LDLRAD4: variants seen among roughly 807,000 people sequenced by gnomAD.
LDLRAD4 encodes the protein low-density lipoprotein receptor class A domain-containing protein 4.
Under a neutral mutation model 17.0 loss-of-function variants are expected in LDLRAD4, and 5 were observed. That is an observed-to-expected ratio of 0.29 (90% confidence interval 0.15 to 0.62). The LOEUF (loss-of-function observed/expected upper bound fraction) is 0.62, where lower values mean the gene tolerates loss of function less well. LDLRAD4 is among the 20% of genes least tolerant of loss of function. The pLI is 0.84. For missense variants in LDLRAD4, 340 were observed against 424.7 expected (o/e 0.80, Z 1.75); for synonymous variants, 168 against 171.8 (o/e 0.98, Z 0.17).
intron 3 of LDLRAD4, among the ~76,000 whole-genome samples, chr18:13,541,300 A>G (rs2094279657): frequency 6.6e-6 from 1 of 152,262 alleles, no homozygotes; most frequent in Non-Finnish European, 1.5e-5. Context: ...GTTGCTTATT[A>G]TAATACTGAA....
intron 3 of LDLRAD4, among the ~76,000 whole-genome samples, chr18:13,483,279 C>T (rs777333068): frequency 5.9e-5 from 9 of 152,202 alleles, no homozygotes; most frequent in Non-Finnish European, 1.2e-4. Flanking sequence ...TCTGTAGTTA[C>T]TGAGTTTCTC....
intron 3 of LDLRAD4, among the ~76,000 whole-genome samples, chr18:13,443,620 C>G (rs1451961291): frequency 3.9e-5 from 6 of 152,178 alleles, no homozygotes; most frequent in African/African-American, 1.2e-4. Context: ...CATCGTAGAT[C>G]GCTTTGCTCT....
At chr18:13,235,565 T>C (rs1012096843) in intron 1 of LDLRAD4, among the ~76,000 whole-genome samples, 1 of 152,218 alleles carries the variant, frequency 6.6e-6, no homozygotes, top group Admixed American at 6.5e-5. Flanking sequence ...GAAAACCAAG[T>C]GCGGAAGAAG....
intron 1 of LDLRAD4, among the ~76,000 whole-genome samples, chr18:13,381,076 G>GTTTTTTTTT (rs759672017): frequency 1.4e-4 from 18 of 128,448 alleles, no homozygotes; most frequent in South Asian, 2.5e-4. Flanking sequence ...TTTCTCTTTA[G>GTTTTTTTTT]TTTTTTTTTT....
chr18:13,583,065 C>CT (rs1037012458), intron 3 of LDLRAD4, among the ~76,000 whole-genome samples: 4 of 152,092 alleles, frequency 2.6e-5, no homozygotes, highest in African/African-American at 9.7e-5. Flanking sequence ...CTGAAGAGCT[C>CT]TTTTTGGTCT....
chr18:13,314,041 G>T (rs11665323), intron 1 of LDLRAD4, among the ~76,000 whole-genome samples: 1 of 152,104 alleles, frequency 6.6e-6, no homozygotes, highest in Admixed American at 6.5e-5. Flanking sequence ...CTGATACTGC[G>T]TGAAGAGATT....
intron 1 of LDLRAD4, among the ~76,000 whole-genome samples, chr18:13,327,702 G>A (rs1028772725): frequency 2.0e-5 from 3 of 152,238 alleles, no homozygotes; most frequent in Non-Finnish European, 4.4e-5. Flanking sequence ...GAGAAAGAAA[G>A]TAGGTGGCCA....
intron 3 of LDLRAD4, chr18:13,470,954 A>G (rs2092755748): frequency 6.6e-6 from 1 of 152,090 alleles, no homozygotes; most frequent in African/African-American, 2.4e-5. Context: ...CTGCAGCTGC[A>G]TTCACCTCTC....
intron 1 of LDLRAD4, among the ~76,000 whole-genome samples, chr18:13,350,379 C>A (rs1054965724): frequency 6.6e-6 from 1 of 152,158 alleles, no homozygotes; most frequent in Non-Finnish European, 1.5e-5. Context: ...CTCTAATGAC[C>A]AGTGATGATG....
intron 4 of LDLRAD4, among the ~76,000 whole-genome samples, chr18:13,625,190 A>G (rs774362728): frequency 1.9e-4 from 29 of 152,212 alleles, no homozygotes; most frequent in Non-Finnish European, 3.5e-4. Context: ...CTCCATGAGC[A>G]CATTAGAAAA....
exon 6 of LDLRAD4, chr18:13,649,019 ACCCT>A (rs2043130426): frequency 6.6e-6 from 1 of 152,024 alleles, no homozygotes; most frequent in Non-Finnish European, 1.5e-5. Flanking sequence ...GCATGTCCTC[ACCCT>A]CCCCACCACA....
At chr18:13,624,579 G>A (rs2040949064) in intron 4 of LDLRAD4, among the ~76,000 whole-genome samples, 1 of 152,216 alleles carries the variant, frequency 6.6e-6, no homozygotes, top group Non-Finnish European at 1.5e-5. Context: ...GGGAGTGTCA[G>A]GCGTGGGAGC....
chr18:13,455,970 G>A (rs1253157385), intron 3 of LDLRAD4, among the ~76,000 whole-genome samples: 3 of 152,028 alleles, frequency 2.0e-5, no homozygotes, highest in African/African-American at 7.3e-5. Flanking sequence ...AAGTCCTGCC[G>A]GGACTTCTGG....
chr18:13,473,539 C>G (rs2092834775), intron 3 of LDLRAD4, among the ~76,000 whole-genome samples: 1 of 149,994 alleles, frequency 6.7e-6, no homozygotes, highest in Non-Finnish European at 1.5e-5. Flanking sequence ...ACTCAGGAGG[C>G]TGAGGTGGGA....
intron 3 of LDLRAD4, among the ~76,000 whole-genome samples, chr18:13,620,214 A>G (rs1026645632): frequency 6.6e-6 from 1 of 152,154 alleles, no homozygotes; most frequent in East Asian, 1.9e-4. Flanking sequence ...GCTGCGGCAC[A>G]TGTACGTGCA....
chr18:13,300,184 G>A lies in LDLRAD4; in HGVS notation c.-383+21996G>A, dbSNP rs2046508149. On this transcript the variant is annotated intron_variant, in intron 1 of 5. Coordinates refer to ENST00000359446, the Ensembl canonical transcript of LDLRAD4. The surrounding 1 kb of genome is among the most constrained non-coding windows in gnomAD (Gnocchi z 4.2). ...TTCCTGCTTGTCTCTGGAGAGCCGT[G>A]GTTCCAGGGCCAGCAGGTGCCTCCT... 6.6e-6 allele frequency among the ~76,000 whole-genome samples: 1 copy of A among 152,204 alleles called. No individual in the cohort carries two copies. The highest frequency in any genetic ancestry group is 2.4e-5 in the African/African-American group (1 of 41,448).
At chr18:13,531,909 G>T (rs559971545) in intron 3 of LDLRAD4, among the ~76,000 whole-genome samples, 1 of 152,328 alleles carries the variant, frequency 6.6e-6, no homozygotes, top group East Asian at 1.9e-4. Flanking sequence ...CTGCTGGGGG[G>T]CGGCCTGGCC....
In LDLRAD4 at chr18:13,622,960, T is replaced by C. The variant is rs1474158525; in HGVS notation, c.336+1689T>C. 1.3e-5 allele frequency among the ~76,000 whole-genome samples: 2 copies of C among 152,102 alleles called. No individual in the cohort carries two copies. The highest frequency in any genetic ancestry group is 2.4e-5 in the African/African-American group (1 of 41,408). ...CCCCTGCCTGGGCGCTCCCCAGTCT[T>C]CCTCCCAGACTTGCCCTGGTGTTGG... On this transcript the variant is annotated intron_variant, in intron 4 of 5. Coordinates refer to ENST00000359446, the Ensembl canonical transcript of LDLRAD4. The surrounding 1 kb of genome is among the most constrained non-coding windows in gnomAD (Gnocchi z 5.3).
intron 1 of LDLRAD4, among the ~76,000 whole-genome samples, chr18:13,251,752 G>C (rs948376352): frequency 2.0e-5 from 3 of 152,240 alleles, no homozygotes; most frequent in African/African-American, 7.2e-5. Flanking sequence ...GTACTTGGAA[G>C]AAGTACTGTA....
Sources: gnomAD v4.1 joint callset for allele counts (sites outside exome capture counted in the v4.1 genomes callset) on GRCh38, gnomAD v4.1.1 for gene constraint, Gnocchi (gnomAD v3.1) non-coding constraint, MANE v1.5 for transcripts, NCBI Gene and HGNC (gene_info 2026-07-23, HGNC 2026-07-21) for gene names.